The following SGK1 variants were observed in gnomAD, a reference collection of about 807,000 sequenced individuals.
SGK1 encodes serine/threonine-protein kinase Sgk1.
SGK1 carries 26 observed loss-of-function variants against 64.2 expected under a neutral mutation model. The observed-to-expected ratio is 0.40, with a 90% confidence interval of 0.30 to 0.56. The LOEUF is 0.56. SGK1 is among the 20% of genes least tolerant of loss of function. The pLI is 0.38. For synonymous variants in SGK1, 265 were observed against 239.7 expected (o/e 1.11, Z -0.98); for missense variants, 519 against 645.6 (o/e 0.80, Z 2.12).
intron 2 of SGK1, among the ~76,000 whole-genome samples, chr6:134,208,842 A>T (rs1775837132): frequency 6.6e-6 from 1 of 150,682 alleles, no homozygotes; most frequent in Non-Finnish European, 1.5e-5. Flanking sequence ...GTATGTGTGT[A>T]TGCATACGCA....
At chr6:134,189,927 G>T (rs1262612786) in intron 3 of SGK1, among the ~76,000 whole-genome samples, 1 of 152,144 alleles carries the variant, frequency 6.6e-6, no homozygotes, top group Non-Finnish European at 1.5e-5. Flanking sequence ...TCAGCTCACT[G>T]CAACCTCCGC....
intron 2 of SGK1, among the ~76,000 whole-genome samples, chr6:134,253,802 C>T (rs911192728): frequency 1.3e-5 from 2 of 152,060 alleles, no homozygotes; most frequent in African/African-American, 2.4e-5. Flanking sequence ...TTTGCAGCAC[C>T]GTGGCTAATA....
chr6:134,191,377 G>A (rs571085515), intron 3 of SGK1, among the ~76,000 whole-genome samples: 1 of 152,172 alleles, frequency 6.6e-6, no homozygotes, highest in Non-Finnish European at 1.5e-5. Flanking sequence ...TCTTTCGCTG[G>A]AATCACCTCT....
chr6:134,282,426 C>T (rs917502354), intron 1 of SGK1, among the ~76,000 whole-genome samples: 7 of 152,072 alleles, frequency 4.6e-5, no homozygotes, highest in South Asian at 2.1e-4. Flanking sequence ...CCAAGGAGGG[C>T]GGATCACTTG....
intron 2 of SGK1, among the ~76,000 whole-genome samples, chr6:134,230,064 T>C (rs1283791711): frequency 6.6e-6 from 1 of 152,072 alleles, no homozygotes; most frequent in Non-Finnish European, 1.5e-5. Context: ...GACCTTACAA[T>C]AATTAGATGC....
chr6:134,254,253 C>T (rs946494887), intron 2 of SGK1, among the ~76,000 whole-genome samples: 4 of 151,978 alleles, frequency 2.6e-5, no homozygotes, highest in African/African-American at 7.3e-5. Context: ...TGAACACATT[C>T]GATTCACAAC....
chr6:134,184,453 C>T (rs1236601304), intron 3 of SGK1, among the ~76,000 whole-genome samples: 1 of 140,160 alleles, frequency 7.1e-6, no homozygotes, highest in African/African-American at 2.7e-5. Flanking sequence ...CGCAGTGAGC[C>T]GAGATCACAT....
intron 2 of SGK1, among the ~76,000 whole-genome samples, chr6:134,226,706 A>T (rs1161954049): frequency 1.4e-5 from 2 of 139,072 alleles, no homozygotes; most frequent in African/African-American, 5.3e-5. Context: ...AAAAAAAAAT[A>T]AAAATAAAAA....
At position 134,264,380 on chromosome 6, in the gene SGK1, T is replaced by A. The variant is rs151021299; in HGVS notation, c.70-2232A>T. Among the ~76,000 whole-genome samples the A allele has an allele frequency of 8.5e-3, 1,291 of 152,082 alleles. 15 individuals carry two copies. Among genetic ancestry groups the A allele is most frequent in the African/African-American group, 0.027 (1,114 of 41,508 alleles). On this transcript the variant is annotated intron_variant, in intron 1 of 13. Coordinates refer to ENST00000367858, the MANE Select transcript of SGK1 (RefSeq NM_001143676.3). ...ATGATCCGCCCACCTTGGCCTCCCATAGTGCTGGTATTACAGGCTTGAGCC... is the reference window on the plus strand; with the variant it reads ...ATGATCCGCCCACCTTGGCCTCCCAAAGTGCTGGTATTACAGGCTTGAGCC...
chr6:134,300,680 T>C (rs1777439847), intron 1 of SGK1, among the ~76,000 whole-genome samples: 2 of 138,576 alleles, frequency 1.4e-5, no homozygotes, highest in Admixed American at 1.6e-4. Context: ...TTGCCCAGGC[T>C]GGAGTGCAAT....
chr6:134,173,233 T>TAGAC, intron 7 of SGK1, 41 bp downstream of exon 7: 1 of 1,609,636 alleles, frequency 6.2e-7, no homozygotes, highest in South Asian at 1.1e-5. Flanking sequence ...ATTCAAGGAG[T>TAGAC]GTCTACCGCC....
At chr6:134,170,577 G>A in intron 13 of SGK1, 142 bp from the exon 14 acceptor site, 2 of 771,682 alleles carry the variant, frequency 2.6e-6, no homozygotes, top group South Asian at 1.9e-5. Context: ...AATCTCAAAA[G>A]GCTACACACA....
chr6:134,243,627 C>T (rs1021108967), intron 2 of SGK1, among the ~76,000 whole-genome samples: 7 of 152,084 alleles, frequency 4.6e-5, no homozygotes, highest in Admixed American at 6.5e-5. Flanking sequence ...CCTTGGCCTC[C>T]GAAAGTGCTG....
Position 134,170,083 on chromosome 6 carries a change from GCTCA to G in SGK1, c.*181_*184del, listed in dbSNP as rs1280280998. The G allele has an allele frequency of 1.1e-5, 5 of 457,698 alleles. No individual in the cohort carries two copies. The highest frequency in any genetic ancestry group is 2.0e-5 in the Non-Finnish European group (5 of 255,310). 28.4% of individuals were successfully genotyped at this position (457,698 alleles called of 1,614,324 possible). A position where few individuals can be genotyped will look rare whatever the true frequency, so the allele number is the denominator to read the frequency against. ...AAGAATAAAAATGAAAACCTCATGAGCTCACTGAGGAGAATGTGCTCTTCAAAAA... is the reference window on the plus strand; with the variant it reads ...AAGAATAAAAATGAAAACCTCATGAGCTGAGGAGAATGTGCTCTTCAAAAA... On this transcript the variant is annotated 3_prime_UTR_variant, in exon 14 of 14. Transcript: ENST00000367858.
rs5880206 is a variant in SGK1, at chr6:134,179,494, CT to C, written c.362-4909del. ...TTGAAGGTTGTCAGCAAAGGCATGT[CT>C]TTTTTTTTTTTTTTTTTTACAGAAA... On this transcript the variant is annotated intron_variant, in intron 3 of 13. Coordinates refer to ENST00000367858, the MANE Select transcript of SGK1 (RefSeq NM_001143676.3). Among the ~76,000 whole-genome samples the C allele has an allele frequency of 6.7e-3, 856 of 128,268 alleles. 8 individuals are homozygous for C. Among genetic ancestry groups the C allele is most frequent in the African/African-American group, 0.012 (432 of 35,348 alleles). The allele number at this position is 128,268 out of a possible 152,430, so 84.1% of individuals were successfully genotyped here.
At chr6:134,209,647 T>C (rs895291591) in intron 2 of SGK1, among the ~76,000 whole-genome samples, 1 of 152,300 alleles carries the variant, frequency 6.6e-6, no homozygotes, top group Admixed American at 6.5e-5. Context: ...CATTGTTTAG[T>C]TTCACCGACA....
At chr6:134,283,888 A>ACC (rs1777139011) in intron 1 of SGK1, among the ~76,000 whole-genome samples, 2 of 144,988 alleles carry the variant, frequency 1.4e-5, no homozygotes, top group African/African-American at 5.3e-5. Flanking sequence ...AAAAAAAAAA[A>ACC]AAAAAAAAAA....
rs1471711436 is a variant in SGK1, at chr6:134,173,362, A to G, written c.619-5T>C. 6.2e-7 allele frequency: 1 copy of G among 1,610,572 alleles called. No individual in the cohort carries two copies. Among genetic ancestry groups the G allele is most frequent in the South Asian group, 1.1e-5 (1 of 90,732 alleles). On this transcript the variant is annotated splice_region_variant and splice_polypyrimidine_tract_variant and intron_variant, in intron 6 of 13. Coordinates refer to ENST00000367858, the MANE Select transcript of SGK1 (RefSeq NM_001143676.3). The stretch of plus-strand genomic sequence containing the variant: ...CTTGTGTCTTGCTAGAAGAACCTGA[A>G]ATTTCAATTTAAAAAAATCATTTTT...
intron 2 of SGK1, among the ~76,000 whole-genome samples, chr6:134,213,548 A>ATAAAT (rs1562252878): frequency 5.0e-5 from 7 of 140,550 alleles, no homozygotes; most frequent in African/African-American, 1.0e-4. Context: ...TAAATAAATA[A>ATAAAT]AATGTCCTCA....
Sources: gnomAD v4.1 joint callset for allele counts (sites outside exome capture counted in the v4.1 genomes callset) on GRCh38, gnomAD v4.1.1 for gene constraint, MANE v1.5 for transcripts, NCBI Gene and HGNC (gene_info 2026-07-23, HGNC 2026-07-21) for gene names.